DCST2: variants seen among roughly 807,000 people sequenced by gnomAD.
DCST2 encodes DC-STAMP domain-containing protein 2.
In DCST2, 64 loss-of-function variants were observed where a neutral mutation model predicts 81.8. The ratio of observed to expected loss-of-function variants is 0.78; its 90% confidence interval spans 0.64 to 0.96. DCST2 has a LOEUF of 0.96. Among genes scored for constraint, DCST2 ranks in the 40% least tolerant of loss-of-function variants. The pLI is 0.00. For missense variants in DCST2, 945 were observed against 1,001.4 expected (o/e 0.94, Z 0.76); for synonymous variants, 354 against 402.6 (o/e 0.88, Z 1.44).
chr1:155,026,557 T>C lies in DCST2; in HGVS notation c.1501A>G (p.Ile501Val), dbSNP rs199908001. 5.6e-6 allele frequency: 9 copies of C among 1,614,160 alleles called. No individual in the cohort carries two copies. The East Asian group carries it at 8.9e-5, about 16-fold the overall frequency. Residue 501 changes from isoleucine to valine, a missense_variant, in exon 9 of 15, where the codon ATA becomes GTA. Transcript: ENST00000368424. ...RPSEPDSTGY[I>V]VIGVMYGLCF... ...AGGGTGTAGTTGATACCAATGACTA[T>C]GTAGCCAGTGCTGTCAGGCTCCGAG...
In DCST2 at chr1:155,030,085, C is replaced by A; in HGVS notation, c.1176G>T (p.Pro392=). ...TCTCCCTGTCCTCAGGGCCCTCACC[C>A]GGTGGGATGTAGCGCCTGGCCTCGT... ...SAHEARRYIP[P]GSIFLSQWEK... is the part of the protein sequence containing the mutation. Residue 392 remains proline (P), a splice_region_variant and synonymous_variant, in exon 7 of 15, where the codon CCG becomes CCT. Transcript: ENST00000368424. 6.2e-7 allele frequency: 1 copy of A among 1,613,130 alleles called. No individual in the cohort carries two copies. Among genetic ancestry groups the A allele is most frequent in the Non-Finnish European group, 8.5e-7 (1 of 1,179,940 alleles).
intron 6 of DCST2, 92 bp downstream of exon 6, chr1:155,030,340 G>C: frequency 1.9e-6 from 3 of 1,595,438 alleles, no homozygotes; most frequent in African/African-American, 1.3e-5. Flanking sequence ...AACCTCCCTG[G>C]ATGCTGGGGC....
chr1:155,029,335 G>C lies in DCST2; in HGVS notation c.1240C>G (p.Arg414Gly). The change falls in exon 8 of 15, where the codon CGA becomes GGA. Residue 414 changes from arginine to glycine, a missense_variant. Arg to Gly is a moderately radical substitution (Grantham distance 125). Coordinates refer to ENST00000368424, the MANE Select transcript of DCST2 (RefSeq NM_144622.3). Reference protein sequence around the residue: ...FYILETFNLIRHLLLVLFLVF... With the variant: ...FYILETFNLIGHLLLVLFLVF... ...AGGAACAGCACGAGGAGGAGGTGTC[G>C]GATAAGGTTGAAGGTCTCCAGAATG... is the stretch of plus-strand genomic sequence containing the variant. 1.9e-6 allele frequency: 3 copies of C among 1,614,028 alleles called. No individual in the cohort carries two copies. Among genetic ancestry groups the C allele is most frequent in the Non-Finnish European group, 2.5e-6 (3 of 1,179,984 alleles).
intron 7 of DCST2, 46 bp downstream of exon 7, chr1:155,030,038 C>T (rs1312316753): frequency 6.2e-7 from 1 of 1,607,770 alleles, no homozygotes; most frequent in Non-Finnish European, 8.5e-7. Flanking sequence ...TGGGGGGAAG[C>T]CCTGGCCTCC....
chr1:155,027,198 ATTTTTTTTTTT>A (rs900841532), intron 8 of DCST2, among the ~76,000 whole-genome samples: 1 of 94,214 alleles, frequency 1.1e-5, no homozygotes, highest in East Asian at 3.8e-4. Context: ...ACGACCGGCT[ATTTTTTTTTTT>A]TTTTTTTTTT....
intron 14 of DCST2, among the ~76,000 whole-genome samples, chr1:155,020,854 GT>G (rs1388844476): frequency 6.6e-6 from 1 of 150,566 alleles, no homozygotes; most frequent in Non-Finnish European, 1.5e-5. Flanking sequence ...ACTGGGTCTT[GT>G]ACTATTGCCC....
intron 5 of DCST2, 42 bp from the exon 6 acceptor site, chr1:155,030,687 T>C (rs371841254): frequency 9.3e-6 from 15 of 1,606,952 alleles, no homozygotes; most frequent in African/African-American, 2.7e-5. Context: ...CAAGGAGAGT[T>C]AGGAGAGGGT....
At chr1:155,028,327 A>G (rs1318830831) in intron 8 of DCST2, among the ~76,000 whole-genome samples, 1 of 152,208 alleles carries the variant, frequency 6.6e-6, no homozygotes, top group African/African-American at 2.4e-5. Flanking sequence ...ACAGTGGCTC[A>G]CGCCTGTAAT....
At chr1:155,033,051 GA>G in intron 2 of DCST2, 42 bp downstream of exon 2, 2 of 1,496,072 alleles carry the variant, frequency 1.3e-6, no homozygotes, top group Admixed American at 2.4e-5. Context: ...TGAGGGGGGC[GA>G]GGGGGGCCCG....
Position 155,022,271 on chromosome 1 carries a change from A to G in DCST2, c.2105+846T>C, listed in dbSNP as rs183781432. On this transcript the variant is annotated intron_variant, in intron 14 of 14. Transcript: ENST00000368424. ...CCATCTCTTCCCACCTTGACTTCCA[A>G]CCTCATCTCCCAGCATTCTCTGAGG... Among the ~76,000 whole-genome samples, 30 of 151,978 alleles carry G rather than the reference A, an allele frequency of 2.0e-4. No homozygotes were observed. The East Asian group carries it at 5.4e-3, about 27-fold the overall frequency.
chr1:155,024,161 C>T (rs1020025883), intron 11 of DCST2, among the ~76,000 whole-genome samples: 8 of 152,100 alleles, frequency 5.3e-5, no homozygotes, highest in Admixed American at 3.3e-4. Flanking sequence ...TCCCACCTTA[C>T]GGGGAGAGGG....
chr1:155,023,610 G>T lies in DCST2; in HGVS notation c.1871-153C>A, dbSNP rs766367762. 3 of 1,546,204 alleles carry T rather than the reference G, an allele frequency of 1.9e-6. No individual in the cohort carries two copies. In the African/African-American group the frequency reaches 4.1e-5, roughly 21 times the overall value. On this transcript the variant is annotated intron_variant, in intron 12 of 14. Coordinates refer to ENST00000368424, the MANE Select transcript of DCST2 (RefSeq NM_144622.3). ...CTAGGGAGCTGCTGCAATGCCACTT[G>T]CATATAAATCCTATTCATAAATACC...
chr1:155,018,892 C>A, intron 14 of DCST2, 132 bp from the exon 15 acceptor site: 1 of 883,098 alleles, frequency 1.1e-6, no homozygotes, highest in Non-Finnish European at 1.7e-6. Flanking sequence ...CTCTCTCAGG[C>A]CCACGAGGCG....
rs181061645 is a variant in DCST2, at chr1:155,025,441, G to A, written c.1612-839C>T. 2.6e-5 allele frequency among the ~76,000 whole-genome samples: 4 copies of A among 151,832 alleles called. No homozygotes were observed. In the East Asian group the frequency reaches 7.9e-4, roughly 30 times the overall value. ...CCTTCCGGGTTCAAGCAATTCTCCTGCCTCAGCCTACCGAGTAGCTGGGAC... is the reference window on the plus strand; with the variant it reads ...CCTTCCGGGTTCAAGCAATTCTCCTACCTCAGCCTACCGAGTAGCTGGGAC... On this transcript the variant is annotated intron_variant, in intron 10 of 14. Transcript: ENST00000368424.
At chr1:155,024,959 A>G (rs1166024657) in intron 10 of DCST2, among the ~76,000 whole-genome samples, 4 of 151,812 alleles carry the variant, frequency 2.6e-5, no homozygotes, top group Admixed American at 6.6e-5. Context: ...GACCAGCCTG[A>G]CCAACATGGA....
At chr1:155,031,477 C>A in intron 4 of DCST2, 97 bp downstream of exon 4, 1 of 1,136,506 alleles carries the variant, frequency 8.8e-7, no homozygotes, top group Non-Finnish European at 1.2e-6. Context: ...GCCCTCTAAT[C>A]GTCCTCCTGA....
Position 155,018,575 on chromosome 1 carries a change from A to G in DCST2, c.2291T>C (p.Leu764Pro). The change falls in exon 15 of 15, where the codon CTT becomes CCT. Residue 764 changes from leucine to proline, a missense_variant. Transcript: ENST00000368424. ...EPSVPLSPPS[L>P]PDPSHPPPK ...GGGGGGTGGGTGGGAAGGATCAGGA[A>G]GAGAGGGAGGTGAGAGAGGGACTGA... 6.2e-7 allele frequency: 1 copy of G among 1,613,506 alleles called. No individual in the cohort carries two copies. Among genetic ancestry groups the G allele is most frequent in the South Asian group, 1.1e-5 (1 of 91,060 alleles).
rs1022452357 is a variant in DCST2, at chr1:155,031,761, G to A, written c.552C>T (p.Leu184=). The A allele has an allele frequency of 6.2e-7, 1 of 1,613,790 alleles. No homozygotes were observed. The highest frequency in any genetic ancestry group is 8.5e-7 in the Non-Finnish European group (1 of 1,180,028). The change falls in exon 4 of 15, where the codon CTC becomes CTT. Residue 184 remains leucine, a synonymous_variant. Coordinates refer to ENST00000368424, the MANE Select transcript of DCST2 (RefSeq NM_144622.3). ...MDGVKHIARA[L]RNVWQWLLHI... ...GCAGGAGCCACTGCCACACATTCCG[G>A]AGAGCCCTGGCTGGGGACAGCTGCA...
At chr1:155,026,171 T>A in intron 10 of DCST2, 131 bp downstream of exon 10, 1 of 807,244 alleles carries the variant, frequency 1.2e-6, no homozygotes, top group East Asian at 2.7e-5. Context: ...GTCATTTGCT[T>A]TGGAGTTCAA....
Sources: allele counts gnomAD v4.1 joint callset (sites outside exome capture counted in the v4.1 genomes callset), GRCh38; gene constraint gnomAD v4.1.1; transcripts MANE v1.5; gene names NCBI Gene and HGNC (gene_info 2026-07-23, HGNC 2026-07-21).